The following ST3GAL1 variants were observed in gnomAD, a reference collection of about 807,000 sequenced individuals.
ST3GAL1 encodes ST3 beta-galactoside alpha-2,3-sialyltransferase 1.
In ST3GAL1, 16 loss-of-function variants were observed where a neutral mutation model predicts 34.1. That is an observed-to-expected ratio of 0.47 (90% CI 0.32 to 0.71). ST3GAL1 has a LOEUF of 0.71. Among genes scored for constraint, ST3GAL1 ranks in the 30% least tolerant of loss-of-function variants. The probability of loss-of-function intolerance (pLI) is 0.04; values close to 1 mark genes in which losing one functional copy is unlikely to be tolerated. For missense variants in ST3GAL1, 353 were observed against 447.4 expected (o/e 0.79, Z 1.90); for synonymous variants, 191 against 184.7 (o/e 1.03, Z -0.28).
At chr8:133,546,727 G>A (rs945348227) in intron 1 of ST3GAL1, among the ~76,000 whole-genome samples, 5 of 151,826 alleles carry the variant, frequency 3.3e-5, no homozygotes, top group African/African-American at 9.7e-5. Flanking sequence ...GGCAGGGTGC[G>A]GTGGCTCATG....
intron 2 of ST3GAL1, among the ~76,000 whole-genome samples, chr8:133,533,669 C>A (rs532152090): frequency 6.6e-6 from 1 of 152,302 alleles, no homozygotes; most frequent in East Asian, 1.9e-4. Flanking sequence ...CCTGTCCCAG[C>A]CTCAATAGGG....
intron 3 of ST3GAL1, among the ~76,000 whole-genome samples, chr8:133,493,863 AGAG>A (rs1816860671): frequency 7.2e-6 from 1 of 139,548 alleles, no homozygotes; most frequent in Non-Finnish European, 1.6e-5. Context: ...AAAAAAAAAA[AGAG>A]AGAGAGAGGC....
chr8:133,533,495 C>G (rs1343437609), intron 2 of ST3GAL1, among the ~76,000 whole-genome samples: 2 of 152,360 alleles, frequency 1.3e-5, no homozygotes, highest in East Asian at 3.9e-4. Flanking sequence ...TCTCTCCTAT[C>G]AGGAGCGAGT....
At chr8:133,485,342 TCCAGAA>T (rs1816543926) in intron 3 of ST3GAL1, among the ~76,000 whole-genome samples, 1 of 152,182 alleles carries the variant, frequency 6.6e-6, no homozygotes, top group South Asian at 2.1e-4. Context: ...GAATCTGGAC[TCCAGAA>T]CCTGCCTTCT....
intron 1 of ST3GAL1, among the ~76,000 whole-genome samples, chr8:133,547,876 G>T (rs1277444084): frequency 6.6e-6 from 1 of 152,150 alleles, no homozygotes; most frequent in African/African-American, 2.4e-5. Flanking sequence ...GATAATGAGG[G>T]CCAGAAGGCA....
At position 133,508,645 on chromosome 8, in the gene ST3GAL1, G is replaced by A. The variant is rs760948544; in HGVS notation, c.-428-9456C>T. 6.6e-5 allele frequency among the ~76,000 whole-genome samples: 10 copies of A among 151,924 alleles called. No individual in the cohort carries two copies. Among genetic ancestry groups the A allele is most frequent in the African/African-American group, 9.7e-5 (4 of 41,342 alleles). ...AGAGACCTTTCTCAAGAGCTGGGAG[G>A]ATCCTCTATAACCACCGAGTCCAGA... On this transcript the variant is annotated intron_variant, in intron 2 of 9. Transcript: ENST00000522652. The surrounding 1 kb of genome is among the most constrained non-coding windows in gnomAD (Gnocchi z 4.1).
intron 1 of ST3GAL1, among the ~76,000 whole-genome samples, chr8:133,569,004 G>C (rs921723667): frequency 3.3e-5 from 5 of 152,204 alleles, no homozygotes; most frequent in Non-Finnish European, 7.3e-5. Context: ...AGGCTGCTCA[G>C]AAGGCAGTTT....
intron 2 of ST3GAL1, among the ~76,000 whole-genome samples, chr8:133,514,979 C>T (rs994328057): frequency 1.3e-5 from 2 of 152,198 alleles, no homozygotes; most frequent in Non-Finnish European, 2.9e-5. Flanking sequence ...CCATCTCCCT[C>T]TTGCTGCCCA....
intron 2 of ST3GAL1, among the ~76,000 whole-genome samples, chr8:133,509,339 G>A (rs972372818): frequency 6.6e-6 from 1 of 152,242 alleles, no homozygotes; most frequent in Admixed American, 6.5e-5. Flanking sequence ...AACACTGGTT[G>A]TGCAGTTGAG....
At chr8:133,562,932 T>G in intron 1 of ST3GAL1, among the ~76,000 whole-genome samples, 1 of 151,328 alleles carries the variant, frequency 6.6e-6, no homozygotes, top group African/African-American at 2.4e-5. Flanking sequence ...TTTTTTTATG[T>G]GGAGTTGTTT....
chr8:133,563,080 G>C (rs151241992), intron 1 of ST3GAL1, among the ~76,000 whole-genome samples: 1 of 151,912 alleles, frequency 6.6e-6, no homozygotes, highest in African/African-American at 2.4e-5. Flanking sequence ...TGCATGAAGG[G>C]ACTTTTTAGC....
At chr8:133,504,240 T>C (rs1283561543) in intron 2 of ST3GAL1, among the ~76,000 whole-genome samples, 1 of 152,194 alleles carries the variant, frequency 6.6e-6, no homozygotes, top group Non-Finnish European at 1.5e-5. Flanking sequence ...GCCTCAGAAC[T>C]TGGACTAGAA....
chr8:133,555,791 C>G (rs141769244), intron 1 of ST3GAL1, among the ~76,000 whole-genome samples: 4 of 152,162 alleles, frequency 2.6e-5, no homozygotes, highest in Non-Finnish European at 5.9e-5. Flanking sequence ...GCTGTTGGAA[C>G]GGCTCACCAT....
At chr8:133,531,081 C>A (rs1351242124) in intron 2 of ST3GAL1, among the ~76,000 whole-genome samples, 2 of 151,550 alleles carry the variant, frequency 1.3e-5, no homozygotes, top group Non-Finnish European at 3.0e-5. Context: ...AGTGGCTGTC[C>A]CCCGCTCTTA....
At chr8:133,530,175 A>C (rs921837065) in intron 2 of ST3GAL1, among the ~76,000 whole-genome samples, 1 of 152,082 alleles carries the variant, frequency 6.6e-6, no homozygotes, top group Non-Finnish European at 1.5e-5. Context: ...GTCTTGTCCT[A>C]TTCAGAATGC....
chr8:133,542,804 T>C (rs1457781533), intron 2 of ST3GAL1, among the ~76,000 whole-genome samples: 1 of 131,684 alleles, frequency 7.6e-6, no homozygotes, highest in Admixed American at 7.6e-5. Context: ...AAAAAAAAGA[T>C]GAACAGAGGA....
intron 2 of ST3GAL1, among the ~76,000 whole-genome samples, chr8:133,536,515 T>C (rs1207568107): frequency 1.3e-5 from 2 of 152,204 alleles, no homozygotes; most frequent in African/African-American, 2.4e-5. Context: ...TAAAGGCCTC[T>C]GGGCCTGGCC....
intron 8 of ST3GAL1, among the ~76,000 whole-genome samples, chr8:133,462,823 G>A (rs536474228): frequency 6.6e-6 from 1 of 152,238 alleles, no homozygotes; most frequent in Non-Finnish European, 1.5e-5. Context: ...AGGGCAAGAT[G>A]CTGGAGGCAC....
Position 133,464,915 on chromosome 8 carries a change from C to T in ST3GAL1, c.546G>A (p.Gly182=). 1 of 1,613,942 alleles carries T rather than the reference C, an allele frequency of 6.2e-7. No individual in the cohort carries two copies. The highest frequency in any genetic ancestry group is 2.2e-5 in the East Asian group (1 of 44,858). The change falls in exon 7 of 10, where the codon GGG becomes GGA. Residue 182 remains glycine, a synonymous_variant. Transcript: ENST00000522652. The part of the protein sequence containing the change: ...APTAGFEADV[G]TKTTHHLVYP... ...ACACCAGATGGTGGGTGGTCTTGGT[C>T]CCAACATCAGCTTCAAACCCTGCCG...
Sources: allele counts gnomAD v4.1 joint callset (sites outside exome capture counted in the v4.1 genomes callset), GRCh38; gene constraint gnomAD v4.1.1; non-coding constraint Gnocchi (gnomAD v3.1); transcripts MANE v1.5; gene names NCBI Gene and HGNC (gene_info 2026-07-23, HGNC 2026-07-21).